The following KATNIP variants were observed in gnomAD, a reference collection of about 807,000 sequenced individuals.
KATNIP encodes the protein katanin interacting protein, also known as katanin-interacting protein.
Under a neutral mutation model 174.0 loss-of-function variants are expected in KATNIP, and 126 were observed. That is an observed-to-expected ratio of 0.72 (90% CI 0.63 to 0.84). KATNIP has a LOEUF of 0.84. Among genes scored for constraint, KATNIP ranks in the 40% least tolerant of loss-of-function variants. KATNIP has a pLI of 0.00. For synonymous variants in KATNIP, 810 were observed against 835.7 expected (o/e 0.97, Z 0.53); for missense variants, 1,958 against 2,109.7 (o/e 0.93, Z 1.41).
intron 12 of KATNIP, among the ~76,000 whole-genome samples, chr16:27,705,708 CTCTT>C (rs914426063): frequency 4.7e-4 from 72 of 152,104 alleles, no homozygotes; most frequent in African/African-American, 1.6e-3. Flanking sequence ...CAGGGCCTTG[CTCTT>C]TCTTCTAAGC....
chr16:27,619,459 C>A (rs1359633778), intron 3 of KATNIP, among the ~76,000 whole-genome samples: 3 of 152,142 alleles, frequency 2.0e-5, no homozygotes, highest in Non-Finnish European at 2.9e-5. Context: ...CGAATGTGGG[C>A]CTCTGTGTTA....
intron 2 of KATNIP, among the ~76,000 whole-genome samples, chr16:27,588,647 A>G (rs943862546): frequency 6.6e-6 from 1 of 151,990 alleles, no homozygotes; most frequent in African/African-American, 2.4e-5. Flanking sequence ...TTAATGCATC[A>G]GTAGTTTGTT....
At chr16:27,691,103 T>C (rs2078717348) in intron 8 of KATNIP, among the ~76,000 whole-genome samples, 1 of 152,146 alleles carries the variant, frequency 6.6e-6, no homozygotes, top group Non-Finnish European at 1.5e-5. Flanking sequence ...TTCGGTGGCT[T>C]CCCAGGTGAC....
intron 14 of KATNIP, among the ~76,000 whole-genome samples, chr16:27,725,466 A>G (rs2080410195): frequency 6.6e-6 from 1 of 152,212 alleles, no homozygotes; most frequent in South Asian, 2.1e-4. Context: ...CCGTGGGCTC[A>G]GGAGGATGTG....
intron 1 of KATNIP, among the ~76,000 whole-genome samples, chr16:27,564,898 G>A (rs2090026378): frequency 6.6e-6 from 1 of 151,830 alleles, no homozygotes; most frequent in Non-Finnish European, 1.5e-5. Context: ...ATAGTAGCTG[G>A]GATTAAAGGC....
At chr16:27,596,954 CAG>C (rs1234264820) in intron 2 of KATNIP, among the ~76,000 whole-genome samples, 4 of 150,938 alleles carry the variant, frequency 2.7e-5, no homozygotes, top group Admixed American at 6.6e-5. Context: ...ACCCGGAAGA[CAG>C]AGGTTGCAGT....
chr16:27,708,642 G>T, intron 12 of KATNIP, 63 bp from the exon 13 acceptor site: 1 of 1,367,846 alleles, frequency 7.3e-7, no homozygotes, highest in Non-Finnish European at 1.0e-6. Flanking sequence ...TGGTGGCAGA[G>T]GCAGAGCCGA....
chr16:27,669,095 C>A (rs1328736454), intron 6 of KATNIP, among the ~76,000 whole-genome samples: 4 of 152,168 alleles, frequency 2.6e-5, no homozygotes, highest in Non-Finnish European at 5.9e-5. Context: ...CAAGTAGTAG[C>A]TATTGTTTTT....
At chr16:27,670,490 G>C (rs564074633) in intron 6 of KATNIP, among the ~76,000 whole-genome samples, 1 of 152,192 alleles carries the variant, frequency 6.6e-6, no homozygotes, top group South Asian at 2.1e-4. Context: ...CATGAATGCC[G>C]TCTGTATTCC....
chr16:27,713,011 T>G (rs1343061493), intron 13 of KATNIP, among the ~76,000 whole-genome samples: 29 of 152,140 alleles, frequency 1.9e-4, no homozygotes, highest in Admixed American at 1.9e-3. Context: ...TCTCACTGTG[T>G]GTCCCAGGCT....
intron 3 of KATNIP, among the ~76,000 whole-genome samples, chr16:27,621,109 CTAAAA>C (rs1388336635): frequency 6.6e-6 from 1 of 152,054 alleles, no homozygotes; most frequent in Non-Finnish European, 1.5e-5. Context: ...AACCCCGTCT[CTAAAA>C]TATTTTTTTT....
Position 27,748,020 on chromosome 16 carries a change from C to T in KATNIP, c.2624-1564C>T, listed in dbSNP as rs948418458. Among the ~76,000 whole-genome samples, 35 of 152,156 alleles carry T rather than the reference C, an allele frequency of 2.3e-4. 1 individual carries two copies. Among genetic ancestry groups the T allele is most frequent in the Admixed American group, 2.0e-3 (30 of 15,284 alleles). ...AGGAAATGGAGTACAGGGCACAGTG[C>T]GATATGAAAGGAGGAAAAACAGAAT... is the stretch of plus-strand genomic sequence containing the variant. On this transcript the variant is annotated intron_variant, in intron 15 of 27. Coordinates refer to ENST00000261588, the MANE Select transcript of KATNIP (RefSeq NM_015202.5).
At chr16:27,623,951 G>A (rs1445144797) in intron 3 of KATNIP, among the ~76,000 whole-genome samples, 1 of 152,010 alleles carries the variant, frequency 6.6e-6, no homozygotes, top group Non-Finnish European at 1.5e-5. Flanking sequence ...GCATGACCTT[G>A]AGCAAGTCCC....
chr16:27,562,165 G>C (rs1245964668), intron 1 of KATNIP, among the ~76,000 whole-genome samples: 1 of 152,134 alleles, frequency 6.6e-6, no homozygotes, highest in Admixed American at 6.5e-5. Context: ...AAATTAGCTG[G>C]GCTTGGTGGC....
rs35587509 is a variant in KATNIP, at chr16:27,626,796, C to CA, written c.141-1853dup. On this transcript the variant is annotated intron_variant, in intron 3 of 27. Transcript: ENST00000261588. ...ACCCTGTCTCTACTAAAAACACACG[C>CA]AAAAAAAAAAAATTAGCTAGGTGTG... 1.9e-3 allele frequency among the ~76,000 whole-genome samples: 267 copies of CA among 142,516 alleles called. 1 individual carries two copies. The highest frequency in any genetic ancestry group is 0.011 in the Middle Eastern group (3 of 284). 93.5% of individuals were successfully genotyped at this position (142,516 alleles called of 152,430 possible). A position where few individuals can be genotyped will look rare whatever the true frequency, so the allele number is the denominator to read the frequency against.
At chr16:27,702,106 G>T (rs1327385408) in intron 11 of KATNIP, among the ~76,000 whole-genome samples, 1 of 152,090 alleles carries the variant, frequency 6.6e-6, no homozygotes, top group African/African-American at 2.4e-5. Context: ...TATTCCTTTA[G>T]ACTATACTCT....
At chr16:27,692,382 T>A (rs957335181) in intron 8 of KATNIP, among the ~76,000 whole-genome samples, 10 of 152,220 alleles carry the variant, frequency 6.6e-5, no homozygotes, top group African/African-American at 2.4e-4. Flanking sequence ...GTTTAAGTCA[T>A]TTTTCATCCA....
At chr16:27,655,899 T>C (rs535721574) in intron 6 of KATNIP, among the ~76,000 whole-genome samples, 1 of 152,266 alleles carries the variant, frequency 6.6e-6, no homozygotes, top group South Asian at 2.1e-4. Flanking sequence ...TGAATATTAT[T>C]GATGTTATAC....
intron 6 of KATNIP, among the ~76,000 whole-genome samples, chr16:27,666,816 G>A (rs1393540916): frequency 6.6e-6 from 1 of 151,938 alleles, no homozygotes; most frequent in Non-Finnish European, 1.5e-5. Context: ...CACTTGAGTT[G>A]ACCCTAAAGT....
Sources: gnomAD v4.1 joint callset for allele counts (sites outside exome capture counted in the v4.1 genomes callset) on GRCh38, gnomAD v4.1.1 for gene constraint, MANE v1.5 for transcripts, NCBI Gene and HGNC (gene_info 2026-07-23, HGNC 2026-07-21) for gene names.